Variants in MID1 observed in about 807,000 individuals in gnomAD.
MID1 encodes the protein midline 1.
Under a neutral mutation model 40.4 loss-of-function variants are expected in MID1, and 7 were observed. The observed-to-expected ratio is 0.17, with a 90% CI of 0.10 to 0.33. The LOEUF is 0.33. Ranked by LOEUF, MID1 falls within the 10% of genes least tolerant of loss-of-function variation. The pLI is 1.00. For missense variants in MID1, 367 were observed against 558.5 expected, an observed-to-expected ratio of 0.66 and a Z score of 3.46; for synonymous variants, 229 against 221.2, an observed-to-expected ratio of 1.04 and a Z score of -0.31.
chrX:10,785,325 A>C (rs1001578835), intron 1 of MID1, among the ~76,000 whole-genome samples: 1 of 110,947 alleles, frequency 9.0e-6, no homozygotes, highest in Non-Finnish European at 1.9e-5. Flanking sequence ...GAGGACACAA[A>C]CAAATGGAAG....
intron 1 of MID1, among the ~76,000 whole-genome samples, chrX:10,773,502 T>C (rs768196285): frequency 1.8e-5 from 2 of 112,448 alleles, no homozygotes; most frequent in Non-Finnish European, 3.8e-5. Flanking sequence ...ATGTGTCTTA[T>C]CTTAGCTTTC....
chrX:10,803,559 G>A (rs992945634), intron 1 of MID1, among the ~76,000 whole-genome samples: 41 of 110,508 alleles, frequency 3.7e-4, no homozygotes, highest in African/African-American at 1.3e-3. Flanking sequence ...CATCATGTTG[G>A]TCAGGCTGGT....
chrX:10,810,804 T>C (rs1179735846), intron 1 of MID1, among the ~76,000 whole-genome samples: 2 of 109,811 alleles, frequency 1.8e-5, no homozygotes, highest in Admixed American at 2.0e-4. Context: ...AAAATGCTTT[T>C]TTCTATGACG....
intron 2 of MID1, among the ~76,000 whole-genome samples, chrX:10,566,502 T>TCTCTCTCTCTCTCTCTCTCA (rs1569107566): frequency 1.1e-5 from 1 of 90,128 alleles, no homozygotes; most frequent in African/African-American, 5.0e-5. Flanking sequence ...TGTCATTCTC[T>TCTCTCTCTCTCTCTCTCTCA]CTCTCTCTCC....
rs759429387 is a variant in MID1 at position 10,482,648 on chromosome X, G to A, written c.865-20C>T. 8.3e-7 allele frequency: 1 copy of A among 1,204,814 alleles called. No individual in the cohort carries two copies. Among genetic ancestry groups the A allele is most frequent in the Non-Finnish European group, 1.1e-6 (1 of 891,870 alleles). On this transcript the variant is annotated intron_variant, in intron 4 of 9. Transcript: ENST00000317552. ...CATCACCTTGAACAAAAGAGGCATG[G>A]AGAGAGATGGTTACATGGGTGGTCT...
intron 1 of MID1, among the ~76,000 whole-genome samples, chrX:10,731,966 C>CAAAAAAA (rs754605735): frequency 9.0e-4 from 24 of 26,644 alleles, no homozygotes; most frequent in African/African-American, 2.0e-3. Flanking sequence ...GAATCTATCA[C>CAAAAAAA]AAAAAAAAAA....
At chrX:10,555,996 G>A (rs762617552) in intron 2 of MID1, among the ~76,000 whole-genome samples, 18 of 109,190 alleles carry the variant, frequency 1.6e-4, no homozygotes, top group African/African-American at 5.7e-4. Context: ...AGTCGATACC[G>A]AAGTTCCTTC....
intron 1 of MID1, among the ~76,000 whole-genome samples, chrX:10,726,927 A>T (rs1275564431): frequency 8.9e-6 from 1 of 112,310 alleles, no homozygotes; most frequent in Non-Finnish European, 1.9e-5. Context: ...GTGGCGTATG[A>T]CAAAGTGGGA....
At chrX:10,665,183 G>A (rs758898360) in intron 1 of MID1, among the ~76,000 whole-genome samples, 2 of 112,122 alleles carry the variant, frequency 1.8e-5, no homozygotes, top group South Asian at 7.5e-4. Context: ...AGACATCTAG[G>A]TCAAAGCCCT....
intron 8 of MID1, among the ~76,000 whole-genome samples, chrX:10,459,331 C>G (rs1327760216): frequency 8.9e-6 from 1 of 111,964 alleles, no homozygotes; most frequent in African/African-American, 3.3e-5. Context: ...TACTGTGTGT[C>G]AGGTCTTACA....
chrX:10,708,702 T>G (rs2043246809), intron 1 of MID1, among the ~76,000 whole-genome samples: 1 of 111,748 alleles, frequency 8.9e-6, no homozygotes, highest in South Asian at 3.8e-4. Context: ...AGTGAGAGCC[T>G]GCAAGCCTCA....
chrX:10,695,883 A>G (rs1183174614), intron 1 of MID1, among the ~76,000 whole-genome samples: 2 of 111,706 alleles, frequency 1.8e-5, no homozygotes, highest in Non-Finnish European at 3.8e-5. Flanking sequence ...AAAAAGCAAA[A>G]TATCTCCTTA....
At chrX:10,665,856 A>G (rs1269656524) in intron 1 of MID1, among the ~76,000 whole-genome samples, 1 of 110,483 alleles carries the variant, frequency 9.1e-6, no homozygotes, top group African/African-American at 3.3e-5. Context: ...CTTTGCCCTG[A>G]TGTTTATTAT....
chrX:10,486,594 G>C (rs6640655), intron 4 of MID1, among the ~76,000 whole-genome samples: 7,742 of 111,728 alleles, frequency 0.069, 563 homozygotes, highest in African/African-American at 0.21. Flanking sequence ...GGTTTGGAAT[G>C]AACTAGTCCT....
intron 4 of MID1, 74 bp downstream of exon 4, chrX:10,495,510 A>G (rs1337822322): frequency 1.5e-5 from 12 of 800,131 alleles, no homozygotes; most frequent in Non-Finnish European, 2.3e-5. Flanking sequence ...CAACATTTCC[A>G]AAGTCCCTGG....
chrX:10,558,428 C>T (rs192182405), intron 2 of MID1, among the ~76,000 whole-genome samples: 6 of 112,917 alleles, frequency 5.3e-5, no homozygotes, highest in East Asian at 2.8e-4. Context: ...CCAAAACACT[C>T]GTCTAATGCA....
At chrX:10,680,857 C>T (rs986147114) in intron 1 of MID1, among the ~76,000 whole-genome samples, 1 of 108,402 alleles carries the variant, frequency 9.2e-6, no homozygotes, top group African/African-American at 3.4e-5. Context: ...ATGGTGAAAC[C>T]CCGTCACTAC....
intron 1 of MID1, among the ~76,000 whole-genome samples, chrX:10,758,127 C>CTTT (rs752295936): frequency 2.1e-5 from 2 of 93,263 alleles, no homozygotes; most frequent in African/African-American, 8.6e-5. Flanking sequence ...GCATGCCCTG[C>CTTT]TTTTTTTTTT....
chrX:10,697,573 T>C (rs1053190117), intron 1 of MID1, among the ~76,000 whole-genome samples: 11 of 111,722 alleles, frequency 9.8e-5, no homozygotes, highest in African/African-American at 3.3e-4. Flanking sequence ...AAAGCTCAAA[T>C]ATCTTTACTC....
Sources: allele counts gnomAD v4.1 joint callset (sites outside exome capture counted in the v4.1 genomes callset), GRCh38; gene constraint gnomAD v4.1.1; transcripts MANE v1.5; gene names NCBI Gene and HGNC (gene_info 2026-07-23, HGNC 2026-07-21).